The following ATP8A2 variants were observed in gnomAD, a reference collection of about 807,000 sequenced individuals.
ATP8A2 encodes ATPase phospholipid transporting 8A2.
Under a neutral mutation model 165.6 loss-of-function variants are expected in ATP8A2, and 100 were observed. That is an observed-to-expected ratio of 0.60 (90% CI 0.51 to 0.71). The LOEUF (loss-of-function observed/expected upper bound fraction) is 0.71. Ranked by LOEUF, ATP8A2 falls within the 30% of genes least tolerant of loss-of-function variation. The probability of loss-of-function intolerance (pLI) is 0.00; values close to 1 mark genes in which losing one functional copy is unlikely to be tolerated. For missense variants in ATP8A2, 1,227 were observed against 1,479.5 expected (o/e 0.83, Z 2.80); for synonymous variants, 543 against 548.8 (o/e 0.99, Z 0.15).
chr13:25,378,075 A>G (rs1466414101), intron 1 of ATP8A2, among the ~76,000 whole-genome samples: 1 of 152,100 alleles, frequency 6.6e-6, no homozygotes, highest in Non-Finnish European at 1.5e-5. Context: ...CTACTGCACC[A>G]GTGCATTCCA....
At chr13:25,779,450 G>T (rs910593739) in intron 27 of ATP8A2, among the ~76,000 whole-genome samples, 2 of 152,072 alleles carry the variant, frequency 1.3e-5, no homozygotes, top group Non-Finnish European at 2.9e-5. Flanking sequence ...TGCACTGGGG[G>T]TGGGAATGGG....
chr13:25,515,393 G>A (rs1220071727), intron 2 of ATP8A2, among the ~76,000 whole-genome samples: 4 of 152,204 alleles, frequency 2.6e-5, no homozygotes, highest in African/African-American at 9.6e-5. Flanking sequence ...AAAATGGATT[G>A]ACATATCTTC....
chr13:25,658,763 A>G (rs1369899017), intron 24 of ATP8A2, among the ~76,000 whole-genome samples: 1 of 152,202 alleles, frequency 6.6e-6, no homozygotes, highest in African/African-American at 2.4e-5. Context: ...GAGCAAAACC[A>G]TACTTCTCTG....
At chr13:25,718,092 C>A (rs2043294302) in intron 25 of ATP8A2, among the ~76,000 whole-genome samples, 2 of 152,158 alleles carry the variant, frequency 1.3e-5, no homozygotes, top group Non-Finnish European at 2.9e-5. Flanking sequence ...TGCACCCCAG[C>A]ATTTATTCCC....
rs570587283 is a variant in ATP8A2 at position 26,000,672 on chromosome 13, A to G, written c.3378-11859A>G. The stretch of plus-strand genomic sequence containing the variant: ...CCTTTCATAGCAATAGTTCCCAGCT[A>G]GCATACCTGCTTCTGCCAGTACAGA... On this transcript the variant is annotated intron_variant, in intron 35 of 36. Coordinates refer to ENST00000381655, the MANE Select transcript of ATP8A2 (RefSeq NM_016529.6). 1.4e-4 allele frequency among the ~76,000 whole-genome samples: 20 copies of G among 147,320 alleles called. No homozygotes were observed. In the South Asian group the frequency reaches 1.5e-3, roughly 11 times the overall value.
chr13:25,799,703 G>C (rs1950580780), intron 27 of ATP8A2, among the ~76,000 whole-genome samples: 1 of 152,156 alleles, frequency 6.6e-6, no homozygotes, highest in African/African-American at 2.4e-5. Context: ...CTGAACATTT[G>C]TCTGCATGGA....
intron 1 of ATP8A2, among the ~76,000 whole-genome samples, chr13:25,413,108 G>A (rs150548630): frequency 5.7e-4 from 87 of 151,934 alleles, no homozygotes; most frequent in African/African-American, 1.7e-3. Flanking sequence ...GTGAGCCACC[G>A]TGCTGGCCCT....
intron 24 of ATP8A2, among the ~76,000 whole-genome samples, chr13:25,656,316 C>T (rs1438182485): frequency 6.6e-6 from 1 of 151,886 alleles, no homozygotes; most frequent in Non-Finnish European, 1.5e-5. Context: ...TACTCTGTCG[C>T]CCAGGCTGGA....
chr13:25,763,273 C>T (rs2138258187), intron 25 of ATP8A2, among the ~76,000 whole-genome samples: 1 of 152,282 alleles, frequency 6.6e-6, no homozygotes, highest in Admixed American at 6.5e-5. Context: ...CACCTTAGAC[C>T]CAACCCGTGT....
At chr13:25,878,438 T>G (rs764101700) in intron 33 of ATP8A2, among the ~76,000 whole-genome samples, 8,175 of 118,686 alleles carry the variant, frequency 0.069, 1 homozygote, top group African/African-American at 0.12. Flanking sequence ...AGCAAGTTTT[T>G]TAAGAAAGTA....
chr13:25,860,144 G>A (rs34288901), intron 30 of ATP8A2, 51 bp from the exon 31 acceptor site: 280,477 of 1,210,108 alleles, frequency 0.23, 34,049 homozygotes, highest in Middle Eastern at 0.26. Context: ...AGTTAAATAG[G>A]TGGCCATGCT....
At chr13:25,730,394 T>A (rs533370646) in intron 25 of ATP8A2, among the ~76,000 whole-genome samples, 1 of 152,302 alleles carries the variant, frequency 6.6e-6, no homozygotes, top group African/African-American at 2.4e-5. Context: ...CAAAAGGGAA[T>A]CATGGCTTGG....
chr13:25,500,663 C>A (rs7987762), intron 2 of ATP8A2, among the ~76,000 whole-genome samples: 2 of 151,920 alleles, frequency 1.3e-5, no homozygotes, highest in Admixed American at 1.3e-4. Context: ...TTGGCTTACC[C>A]CAACCTCCAC....
chr13:25,442,505 C>T (rs1164515418), intron 1 of ATP8A2, among the ~76,000 whole-genome samples: 2 of 152,154 alleles, frequency 1.3e-5, no homozygotes, highest in Non-Finnish European at 2.9e-5. Context: ...CCTCAAACTC[C>T]TGGGCTCATG....
rs115297760 is a variant in ATP8A2 at position 25,525,148 on chromosome 13, A to G, written c.222-4851A>G. Among the ~76,000 whole-genome samples, 756 of 152,206 alleles carry G rather than the reference A, an allele frequency of 5.0e-3. 6 individuals are homozygous for G. The highest frequency in any genetic ancestry group is 0.018 in the African/African-American group (734 of 41,548). On this transcript the variant is annotated intron_variant, in intron 2 of 36. Transcript: ENST00000381655. ...GAGATGACAACTTAACTTAGATCAC[A>G]GAAAGGAATAGAAACAATAAACTAA...
At chr13:25,582,071 A>G (rs1231254832) in intron 23 of ATP8A2, 114 bp downstream of exon 23, 2 of 1,078,644 alleles carry the variant, frequency 1.9e-6, no homozygotes, top group Non-Finnish European at 2.6e-6. Context: ...GTTTTATAGG[A>G]ATCTTCATTC....
chr13:25,394,710 A>G (rs552382978), intron 1 of ATP8A2, among the ~76,000 whole-genome samples: 1 of 151,596 alleles, frequency 6.6e-6, no homozygotes, highest in East Asian at 1.9e-4. Flanking sequence ...TGCAGAAAGG[A>G]AAAAAAAAGG....
chr13:25,535,886 C>T (rs1251288822), intron 6 of ATP8A2, among the ~76,000 whole-genome samples: 1 of 151,624 alleles, frequency 6.6e-6, no homozygotes, highest in Non-Finnish European at 1.5e-5. Context: ...TTCTTATGTA[C>T]ACAAAACTTC....
At chr13:25,782,211 A>G (rs759688022) in intron 27 of ATP8A2, among the ~76,000 whole-genome samples, 8 of 152,386 alleles carry the variant, frequency 5.2e-5, no homozygotes, top group Non-Finnish European at 8.8e-5. Flanking sequence ...TGTCCTGTGC[A>G]TCTGCCTTGG....
Sources: allele counts gnomAD v4.1 joint callset (sites outside exome capture counted in the v4.1 genomes callset), GRCh38; gene constraint gnomAD v4.1.1; transcripts MANE v1.5; gene names NCBI Gene and HGNC (gene_info 2026-07-23, HGNC 2026-07-21).